Variants in SLC25A48 observed in about 807,000 individuals in gnomAD.
SLC25A48 encodes the protein solute carrier family 25 member 48, also known as CTC-321K16.1.
SLC25A48 carries 29 observed loss-of-function variants against 32.2 expected under a neutral mutation model. The ratio of observed to expected loss-of-function variants is 0.90; its 90% CI spans 0.67 to 1.23. The LOEUF (loss-of-function observed/expected upper bound fraction) is 1.23, where lower values mean the gene tolerates loss of function less well. SLC25A48 is among the 50% of genes most tolerant of loss of function. The probability of loss-of-function intolerance (pLI) is 0.00; values close to 1 mark genes in which losing one functional copy is unlikely to be tolerated. For synonymous variants in SLC25A48, 164 were observed against 172.3 expected (o/e 0.95, Z 0.38); for missense variants, 399 against 422.7 (o/e 0.94, Z 0.49).
Position 135,731,964 on chromosome 5 carries a change from A to G in SLC25A48, c.-520-80559A>G, listed in dbSNP as rs75247576. On this transcript the variant is annotated intron_variant, in intron 3 of 10. Coordinates refer to the SLC25A48 transcript ENST00000646290. ...AGTATGACTAGACAGAAGATAGTAG[A>G]GATGACAAGTTTTTGGGGTGCAGTC... Among the ~76,000 whole-genome samples, 1,489 of 152,340 alleles carry G rather than the reference A, an allele frequency of 9.8e-3. 5 individuals are homozygous for G. The highest frequency in any genetic ancestry group is 0.034 in the African/African-American group (1,401 of 41,562).
chr5:135,686,653 C>T (rs1011413926), intron 3 of SLC25A48, among the ~76,000 whole-genome samples: 1 of 152,168 alleles, frequency 6.6e-6, no homozygotes, highest in African/African-American at 2.4e-5. Flanking sequence ...TCCAGAACCT[C>T]ATATTTAGCA....
At chr5:135,673,173 A>G (rs888946532) in intron 3 of SLC25A48, among the ~76,000 whole-genome samples, 1 of 152,212 alleles carries the variant, frequency 6.6e-6, no homozygotes, top group Non-Finnish European at 1.5e-5. Context: ...TATGACAAAT[A>G]AAGCTGTTAT....
At chr5:135,640,231 A>AT (rs1752799392) in intron 3 of SLC25A48, among the ~76,000 whole-genome samples, 1 of 152,212 alleles carries the variant, frequency 6.6e-6, no homozygotes, top group Non-Finnish European at 1.5e-5. Context: ...AAGAATTGAG[A>AT]AAAGAAAGAG....
chr5:135,787,925 C>T (rs1376150566), intron 3 of SLC25A48, among the ~76,000 whole-genome samples: 5 of 151,858 alleles, frequency 3.3e-5, no homozygotes, highest in Non-Finnish European at 2.9e-5. Context: ...GGATGTTACT[C>T]CTAAAGTCAC....
Position 135,761,464 on chromosome 5 carries a change from TA to T in SLC25A48, c.-520-51052del, listed in dbSNP as rs1288678695. Among the ~76,000 whole-genome samples the T allele has an allele frequency of 3.9e-5, 6 of 151,986 alleles. No individual in the cohort carries two copies. The South Asian group carries it at 6.2e-4, about 16-fold the overall frequency. On this transcript the variant is annotated intron_variant, in intron 3 of 10. Transcript: ENST00000646290. ...TTAAAGTATAATTAAAATATATATA[TA>T]AAAAAAGAAGAAAGAAAAAGAAAAC... is the stretch of plus-strand genomic sequence containing the variant.
intron 3 of SLC25A48, 96 bp from the exon 4 acceptor site, chr5:135,852,467 T>C (rs1759950587): frequency 7.0e-7 from 1 of 1,427,286 alleles, no homozygotes; most frequent in Non-Finnish European, 9.5e-7. Flanking sequence ...CATGGACACA[T>C]GGGCAGATGT....
At position 135,691,737 on chromosome 5, in the gene SLC25A48, G is replaced by C. The variant is rs142021759; in HGVS notation, c.-521+56781G>C. 5.9e-3 allele frequency among the ~76,000 whole-genome samples: 900 copies of C among 152,276 alleles called. 11 individuals carry two copies. The highest frequency in any genetic ancestry group is 0.02 in the African/African-American group (819 of 41,546). ...ACCAAAGATGCTGGATTTAGACTTC[G>C]TGCCCACACCTCTAGAGCTGTAAAG... On this transcript the variant is annotated intron_variant, in intron 3 of 10. Coordinates refer to the SLC25A48 transcript ENST00000646290.
At chr5:135,759,474 T>C (rs1756007658) in intron 3 of SLC25A48, among the ~76,000 whole-genome samples, 1 of 152,164 alleles carries the variant, frequency 6.6e-6, no homozygotes, top group African/African-American at 2.4e-5. Flanking sequence ...TTTCTTTAAG[T>C]CAAGTTTATT....
At chr5:135,681,237 G>T (rs983234382) in intron 3 of SLC25A48, among the ~76,000 whole-genome samples, 1 of 152,210 alleles carries the variant, frequency 6.6e-6, no homozygotes, top group Non-Finnish European at 1.5e-5. Flanking sequence ...GCCTCCCAAA[G>T]TGCTGGGATT....
At chr5:135,865,384 C>T (rs1761107544) in intron 4 of SLC25A48, among the ~76,000 whole-genome samples, 1 of 152,204 alleles carries the variant, frequency 6.6e-6, no homozygotes, top group Non-Finnish European at 1.5e-5. Flanking sequence ...CAAACCCAAA[C>T]TGAGGATGTT....
intron 3 of SLC25A48, among the ~76,000 whole-genome samples, chr5:135,644,121 T>G (rs973111038): frequency 5.9e-5 from 9 of 152,118 alleles, no homozygotes; most frequent in African/African-American, 2.2e-4. Flanking sequence ...GAAGGCTCTT[T>G]GGAGAAGATG....
chr5:135,771,813 G>C (rs957882461), intron 3 of SLC25A48, among the ~76,000 whole-genome samples: 1 of 151,328 alleles, frequency 6.6e-6, no homozygotes. Context: ...AATATTTAGG[G>C]GGGGGAGAAC....
intron 3 of SLC25A48, among the ~76,000 whole-genome samples, chr5:135,758,131 A>G (rs532085870): frequency 2.7e-5 from 4 of 150,942 alleles, no homozygotes; most frequent in African/African-American, 7.2e-5. Context: ...AATCTCTGGT[A>G]TTGTTAACAC....
At chr5:135,846,673 T>C (rs1000334415) in intron 2 of SLC25A48, among the ~76,000 whole-genome samples, 3 of 152,152 alleles carry the variant, frequency 2.0e-5, no homozygotes, top group Admixed American at 6.5e-5. Flanking sequence ...ATGAAGCTCA[T>C]AGTTTTGGGC....
chr5:135,694,210 C>A (rs1248471114), intron 3 of SLC25A48, among the ~76,000 whole-genome samples: 1 of 152,156 alleles, frequency 6.6e-6, no homozygotes, highest in African/African-American at 2.4e-5. Context: ...CCACGGGTCT[C>A]CTGGGCGGCC....
At chr5:135,626,908 A>C (rs760760051) in intron 1 of SLC25A48, among the ~76,000 whole-genome samples, 3 of 152,136 alleles carry the variant, frequency 2.0e-5, no homozygotes, top group African/African-American at 7.2e-5. Context: ...GTGACTGACC[A>C]TCCAGGGTCC....
At chr5:135,669,345 TC>T (rs939544154) in intron 3 of SLC25A48, among the ~76,000 whole-genome samples, 2 of 152,046 alleles carry the variant, frequency 1.3e-5, no homozygotes, top group African/African-American at 4.8e-5. Context: ...TCTTGGGTTC[TC>T]CCACCAGCAG....
chr5:135,755,519 A>G (rs1755876720), intron 3 of SLC25A48, among the ~76,000 whole-genome samples: 1 of 151,988 alleles, frequency 6.6e-6, no homozygotes, highest in Non-Finnish European at 1.5e-5. Context: ...GTATTAATGA[A>G]ATATCACTGT....
intron 3 of SLC25A48, among the ~76,000 whole-genome samples, chr5:135,660,678 G>A (rs541448044): frequency 6.5e-4 from 99 of 152,288 alleles, no homozygotes; most frequent in African/African-American, 2.3e-3. Flanking sequence ...GGACTCAGCT[G>A]AGAAGATTGT....
Sources: allele counts gnomAD v4.1 joint callset (sites outside exome capture counted in the v4.1 genomes callset), GRCh38; gene constraint gnomAD v4.1.1; transcripts MANE v1.5; gene names NCBI Gene and HGNC (gene_info 2026-07-23, HGNC 2026-07-21).